The following ARHGAP6 variants were observed in gnomAD, a reference collection of about 807,000 sequenced individuals.
ARHGAP6 encodes the protein rho GTPase-activating protein 6.
ARHGAP6 carries 16 observed loss-of-function variants against 55.7 expected under a neutral mutation model. That is an observed-to-expected ratio of 0.29 (90% CI 0.19 to 0.44). The LOEUF (loss-of-function observed/expected upper bound fraction) is 0.44. Ranked by LOEUF, ARHGAP6 falls within the 20% of genes least tolerant of loss-of-function variation. The probability of loss-of-function intolerance (pLI) is 1.00; values close to 1 mark genes in which losing one functional copy is unlikely to be tolerated. For missense variants in ARHGAP6, 698 were observed against 808.9 expected, an observed-to-expected ratio of 0.86 and a Z score of 1.66; for synonymous variants, 382 against 360.9, an observed-to-expected ratio of 1.06 and a Z score of -0.66.
At chrX:11,382,792 T>A (rs1353798943) in intron 1 of ARHGAP6, among the ~76,000 whole-genome samples, 2 of 111,587 alleles carry the variant, frequency 1.8e-5, no homozygotes, top group Non-Finnish European at 3.8e-5. Flanking sequence ...CAAATCAAAG[T>A]ACCAAGGAAA....
At position 11,233,438 on chromosome X, in the gene ARHGAP6, A is replaced by G. The variant is rs190744964; in HGVS notation, c.748+21110T>C. Among the ~76,000 whole-genome samples, 3 of 110,968 alleles carry G rather than the reference A, an allele frequency of 2.7e-5. No homozygotes were observed. In the Admixed American group the frequency reaches 2.9e-4, roughly 11 times the overall value. On this transcript the variant is annotated intron_variant, in intron 2 of 12. Transcript: ENST00000337414. The stretch of plus-strand genomic sequence containing the variant: ...ACTTGGTTGTTATCTTCCATCTAGT[A>G]TAAAGATAAAATATGTGCCAGAGAA...
At chrX:11,661,145 A>T (rs1224107963) in intron 1 of ARHGAP6, among the ~76,000 whole-genome samples, 1 of 112,668 alleles carries the variant, frequency 8.9e-6, no homozygotes. Context: ...TATGGACATA[A>T]TCCCAGCTCT....
intron 1 of ARHGAP6, among the ~76,000 whole-genome samples, chrX:11,538,196 A>G (rs903279035): frequency 8.9e-6 from 1 of 112,101 alleles, no homozygotes; most frequent in African/African-American, 3.2e-5. Flanking sequence ...GCAACTTTTG[A>G]TCTTTTTAAA....
intron 1 of ARHGAP6, among the ~76,000 whole-genome samples, chrX:11,634,646 GA>G (rs2052398580): frequency 9.0e-6 from 1 of 111,285 alleles, no homozygotes; most frequent in African/African-American, 3.3e-5. Flanking sequence ...TTTCCACCTG[GA>G]AAAGAAAAAT....
At chrX:11,152,446 C>T (rs573993234) in intron 10 of ARHGAP6, among the ~76,000 whole-genome samples, 102 of 111,931 alleles carry the variant, frequency 9.1e-4, no homozygotes, top group African/African-American at 3.2e-3. Context: ...TTAAGCACCA[C>T]CCCTCAGCCT....
intron 1 of ARHGAP6, among the ~76,000 whole-genome samples, chrX:11,408,891 TCA>T (rs772967238): frequency 5.6e-5 from 6 of 107,246 alleles, no homozygotes; most frequent in Non-Finnish European, 9.7e-5. Flanking sequence ...AAATTGATCA[TCA>T]CACACACACA....
chrX:11,295,146 G>A (rs949997666), intron 1 of ARHGAP6, among the ~76,000 whole-genome samples: 2 of 111,910 alleles, frequency 1.8e-5, no homozygotes, highest in Non-Finnish European at 1.9e-5. Context: ...CTAGATGGAG[G>A]AAGCTTTTGG....
intron 1 of ARHGAP6, among the ~76,000 whole-genome samples, chrX:11,323,156 T>G (rs1276735536): frequency 1.8e-5 from 2 of 112,266 alleles, no homozygotes; most frequent in African/African-American, 6.5e-5. Context: ...AATACTTAAT[T>G]ATAAAAACCA....
intron 1 of ARHGAP6, among the ~76,000 whole-genome samples, chrX:11,446,859 A>T (rs1427544148): frequency 1.8e-5 from 2 of 111,786 alleles, no homozygotes; most frequent in African/African-American, 3.3e-5. Flanking sequence ...CATAAGAACG[A>T]CATTGAGTCT....
intron 1 of ARHGAP6, among the ~76,000 whole-genome samples, chrX:11,256,942 A>G (rs1006590679): frequency 3.6e-5 from 4 of 111,608 alleles, no homozygotes; most frequent in African/African-American, 1.3e-4. Context: ...AGGAGGCTGC[A>G]GTCACATTCA....
At chrX:11,654,049 A>G (rs1172838734) in intron 1 of ARHGAP6, among the ~76,000 whole-genome samples, 1 of 112,186 alleles carries the variant, frequency 8.9e-6, no homozygotes, top group Admixed American at 9.4e-5. Context: ...TAATTTGAGC[A>G]GAATTACACT....
In ARHGAP6 at chrX:11,179,631, ATGTGTG is replaced by A. The variant is rs111989287; in HGVS notation, c.1330-185_1330-180del. Among the ~76,000 whole-genome samples, 5 of 106,140 alleles carry A rather than the reference ATGTGTG, an allele frequency of 4.7e-5. No homozygotes were observed. The South Asian group carries it at 1.7e-3, about 35-fold the overall frequency. 92.2% of individuals were successfully genotyped at this position (106,140 alleles called of 115,157 possible). A position where few individuals can be genotyped will look rare whatever the true frequency, so the allele number is the denominator to read the frequency against. On this transcript the variant is annotated intron_variant, in intron 6 of 12. Transcript: ENST00000337414. ...GAGTTGACACAGTCCAGCTATGAATATGTGTGTGTGTGTGTGTATACATATATATGT... is the reference window on the plus strand; with the variant it reads ...GAGTTGACACAGTCCAGCTATGAATATGTGTGTGTGTATACATATATATGT...
rs1351955943 is a variant in ARHGAP6, at chrX:11,301,208, A to C, written c.589-46501T>G. On this transcript the variant is annotated intron_variant, in intron 1 of 12. Coordinates refer to ENST00000337414, the MANE Select transcript of ARHGAP6 (RefSeq NM_013427.3). ...GGAAAAAAGATTTTTAAATGAAATTATGTGATATGCATAATAATGTACTGA... is the reference window on the plus strand; with the variant it reads ...GGAAAAAAGATTTTTAAATGAAATTCTGTGATATGCATAATAATGTACTGA... 3.6e-5 allele frequency among the ~76,000 whole-genome samples: 4 copies of C among 111,989 alleles called. No individual in the cohort carries two copies. In the Admixed American group the frequency reaches 3.8e-4, roughly 11 times the overall value.
intron 1 of ARHGAP6, among the ~76,000 whole-genome samples, chrX:11,541,073 G>A (rs1176592079): frequency 1.8e-5 from 2 of 112,352 alleles, no homozygotes; most frequent in Non-Finnish European, 3.8e-5. Flanking sequence ...CAGGTATAGT[G>A]GGGCTAACAG....
chrX:11,543,700 C>T (rs1462345493), intron 1 of ARHGAP6, among the ~76,000 whole-genome samples: 1 of 111,991 alleles, frequency 8.9e-6, no homozygotes, highest in Non-Finnish European at 1.9e-5. Context: ...GTGACATTGC[C>T]ACTAGACAAA....
rs757604788 is a variant in ARHGAP6 at position 11,296,280 on chromosome X, A to T, written c.589-41573T>A. Among the ~76,000 whole-genome samples, 9 of 111,299 alleles carry T rather than the reference A, an allele frequency of 8.1e-5. No homozygotes were observed. In the South Asian group the frequency reaches 3.4e-3, roughly 42 times the overall value. On this transcript the variant is annotated intron_variant, in intron 1 of 12. Coordinates refer to ENST00000337414, the MANE Select transcript of ARHGAP6 (RefSeq NM_013427.3). ...TCCCTTTGATACTTAAAAGTACTTG[A>T]CCACCTCCTGATCTACAAGGGAACA... is the stretch of plus-strand genomic sequence containing the variant.
At chrX:11,242,465 T>A (rs1192256836) in intron 2 of ARHGAP6, among the ~76,000 whole-genome samples, 1 of 112,030 alleles carries the variant, frequency 8.9e-6, no homozygotes, top group Non-Finnish European at 1.9e-5. Context: ...TTTTCAAAGC[T>A]TTCAGCACAT....
At chrX:11,646,449 G>A (rs2052528781) in intron 1 of ARHGAP6, among the ~76,000 whole-genome samples, 1 of 111,483 alleles carries the variant, frequency 9.0e-6, no homozygotes, top group Non-Finnish European at 1.9e-5. Flanking sequence ...GAATATAAAC[G>A]CTGAGGAACA....
chrX:11,536,176 C>T (rs887105573), intron 1 of ARHGAP6, among the ~76,000 whole-genome samples: 2 of 111,489 alleles, frequency 1.8e-5, no homozygotes, highest in African/African-American at 3.3e-5. Flanking sequence ...TCTCAGCACT[C>T]GCTGCTTCAG....
Sources: allele counts gnomAD v4.1 joint callset (sites outside exome capture counted in the v4.1 genomes callset), GRCh38; gene constraint gnomAD v4.1.1; transcripts MANE v1.5; gene names NCBI Gene and HGNC (gene_info 2026-07-23, HGNC 2026-07-21).